PTPN4: variants seen among roughly 807,000 people sequenced by gnomAD.
PTPN4 encodes the protein tyrosine-protein phosphatase non-receptor type 4.
A neutral mutation model predicts 135.5 loss-of-function variants in PTPN4; 49 were observed. The ratio of observed to expected loss-of-function variants is 0.36; its 90% CI spans 0.29 to 0.46. The LOEUF is 0.46. Ranked by LOEUF, PTPN4 falls within the 20% of genes least tolerant of loss-of-function variation. The pLI is 1.00. For synonymous variants in PTPN4, 333 were observed against 369.9 expected, an observed-to-expected ratio of 0.90 and a Z score of 1.14; for missense variants, 860 against 1,101.0, an observed-to-expected ratio of 0.78 and a Z score of 3.10.
At chr2:119,761,626 G>A (rs1173509786) in intron 1 of PTPN4, among the ~76,000 whole-genome samples, 1 of 152,046 alleles carries the variant, frequency 6.6e-6, no homozygotes, top group Admixed American at 6.5e-5. Flanking sequence ...CAATTTTTAT[G>A]TCTCTTCGCA....
chr2:119,830,320 G>A (rs1302299730), intron 2 of PTPN4, among the ~76,000 whole-genome samples: 1 of 152,190 alleles, frequency 6.6e-6, no homozygotes. Flanking sequence ...CAAATCTCAT[G>A]TCAGATTGTA....
chr2:119,822,784 T>A (rs1677089565), intron 2 of PTPN4, among the ~76,000 whole-genome samples: 1 of 152,184 alleles, frequency 6.6e-6, no homozygotes, highest in Non-Finnish European at 1.5e-5. Flanking sequence ...TGAGTAAAGG[T>A]AAACACATTT....
intron 26 of PTPN4, among the ~76,000 whole-genome samples, chr2:119,973,276 G>A (rs1679563493): frequency 6.6e-6 from 1 of 151,986 alleles, no homozygotes; most frequent in African/African-American, 2.4e-5. Context: ...TTTTCTGACT[G>A]GCTTATTTCA....
intron 26 of PTPN4, among the ~76,000 whole-genome samples, chr2:119,972,545 TTTTC>T (rs1193828663): frequency 6.6e-6 from 1 of 152,112 alleles, no homozygotes; most frequent in Non-Finnish European, 1.5e-5. Flanking sequence ...CCTCTTTCCT[TTTTC>T]TTTGTCTTTC....
In PTPN4 at chr2:119,970,010, G is replaced by A. The variant is rs945345072; in HGVS notation, c.2694+2038G>A. On this transcript the variant is annotated intron_variant, in intron 26 of 26. Transcript: ENST00000263708. ...AAGTATACAATTCAGTGGGTTTTGT[G>A]TATTACAGAGGCTTGCAACTATTGC... Among the ~76,000 whole-genome samples, 3 of 152,056 alleles carry A rather than the reference G, an allele frequency of 2.0e-5. No homozygotes were observed. The South Asian group carries it at 6.2e-4, about 32-fold the overall frequency.
Position 119,980,350 on chromosome 2 carries a change from T to C in PTPN4, c.*3280T>C, listed in dbSNP as rs2105071682. On this transcript the variant is annotated 3_prime_UTR_variant, in exon 27 of 27. Coordinates refer to ENST00000263708, the MANE Select transcript of PTPN4 (RefSeq NM_002830.4). ...TGGGTTATCATCTGCTGGCAGGGTC[T>C]GATCAGGTCTAGAGTATTTAAGGAA... 1 of 152,204 alleles carries C rather than the reference T, an allele frequency of 6.6e-6. No homozygotes were observed. The highest frequency in any genetic ancestry group is 2.1e-4 in the South Asian group (1 of 4,828). 9.4% of individuals were successfully genotyped at this position (152,204 alleles called of 1,614,324 possible).
rs1679686718 is a variant in PTPN4, at chr2:119,981,140, C to G, written c.*4070C>G. ...ATAATGTGGGATATGTTTACAGGCT[C>G]TTTTATTTTGTGGTAGTTACTTTAT... On this transcript the variant is annotated 3_prime_UTR_variant, in exon 27 of 27. Coordinates refer to ENST00000263708, the MANE Select transcript of PTPN4 (RefSeq NM_002830.4). The G allele has an allele frequency of 6.6e-6, 1 of 151,974 alleles. No individual in the cohort carries two copies. Among genetic ancestry groups the G allele is most frequent in the Non-Finnish European group, 1.5e-5 (1 of 67,910 alleles). 9.4% of individuals were successfully genotyped at this position (151,974 alleles called of 1,614,324 possible). A position where few individuals can be genotyped will look rare whatever the true frequency, so the allele number is the denominator to read the frequency against.
At chr2:119,858,332 G>C (rs1253593711) in intron 2 of PTPN4, among the ~76,000 whole-genome samples, 3 of 151,996 alleles carry the variant, frequency 2.0e-5, no homozygotes, top group Non-Finnish European at 2.9e-5. Flanking sequence ...CTTTTTTTAA[G>C]TTGCTTTCAA....
chr2:119,970,185 G>C (rs1365862718), intron 26 of PTPN4, among the ~76,000 whole-genome samples: 1 of 151,772 alleles, frequency 6.6e-6, no homozygotes, highest in East Asian at 1.9e-4. Context: ...TCAGCCTCCC[G>C]AGTAGCTGGG....
chr2:119,776,916 G>C (rs142546078), intron 1 of PTPN4, among the ~76,000 whole-genome samples: 1 of 152,252 alleles, frequency 6.6e-6, no homozygotes, highest in Non-Finnish European at 1.5e-5. Flanking sequence ...ACAGTGCAGG[G>C]GTCAGTGCCC....
At chr2:119,794,564 G>A (rs1252070971) in intron 1 of PTPN4, among the ~76,000 whole-genome samples, 2 of 152,194 alleles carry the variant, frequency 1.3e-5, no homozygotes, top group Admixed American at 1.3e-4. Flanking sequence ...CACGGCTGAC[G>A]CTGGGGAATG....
intron 1 of PTPN4, among the ~76,000 whole-genome samples, chr2:119,761,423 T>G (rs556604453): frequency 6.6e-6 from 1 of 152,290 alleles, no homozygotes; most frequent in East Asian, 1.9e-4. Flanking sequence ...CTGTGCTTAA[T>G]GGAATAGAGC....
intron 1 of PTPN4, among the ~76,000 whole-genome samples, chr2:119,793,373 C>G (rs920904368): frequency 5.3e-5 from 8 of 152,178 alleles, no homozygotes; most frequent in Non-Finnish European, 1.0e-4. Flanking sequence ...GGTTATCTCC[C>G]TTGTCCCCTG....
intron 2 of PTPN4, among the ~76,000 whole-genome samples, chr2:119,826,399 T>C (rs1441595767): frequency 6.6e-6 from 1 of 152,226 alleles, no homozygotes; most frequent in African/African-American, 2.4e-5. Flanking sequence ...TTTTGAGCCC[T>C]TACCGGAAAC....
At chr2:119,829,218 G>T (rs1677186359) in intron 2 of PTPN4, among the ~76,000 whole-genome samples, 1 of 151,646 alleles carries the variant, frequency 6.6e-6, no homozygotes, top group Admixed American at 6.6e-5. Context: ...TGTTTTTTTT[G>T]AACGGTTTAA....
At chr2:119,765,870 G>C (rs768634333) in intron 1 of PTPN4, among the ~76,000 whole-genome samples, 143 of 152,046 alleles carry the variant, frequency 9.4e-4, no homozygotes, top group Non-Finnish European at 1.8e-3. Context: ...GGATATGTCT[G>C]TCTCTGTCTG....
At chr2:119,892,546 A>G (rs563309258) in intron 9 of PTPN4, among the ~76,000 whole-genome samples, 1 of 152,286 alleles carries the variant, frequency 6.6e-6, no homozygotes, top group South Asian at 2.1e-4. Flanking sequence ...GAGCCATGCA[A>G]ACATCTGGGA....
At chr2:119,953,313 C>T (rs552301083) in intron 19 of PTPN4, among the ~76,000 whole-genome samples, 61 of 152,138 alleles carry the variant, frequency 4.0e-4, no homozygotes, top group Non-Finnish European at 7.6e-4. Context: ...GTCACCACCA[C>T]ACCCAACCCT....
chr2:119,808,839 A>C (rs1268814073), intron 1 of PTPN4, among the ~76,000 whole-genome samples: 1 of 152,160 alleles, frequency 6.6e-6, no homozygotes, highest in Non-Finnish European at 1.5e-5. Flanking sequence ...TTTGAGCTTT[A>C]ATCTTTTGAA....
Sources: allele counts gnomAD v4.1 joint callset (sites outside exome capture counted in the v4.1 genomes callset), GRCh38; gene constraint gnomAD v4.1.1; transcripts MANE v1.5; gene names NCBI Gene and HGNC (gene_info 2026-07-23, HGNC 2026-07-21).